KDM4C: variants seen among roughly 807,000 people sequenced by gnomAD.
KDM4C encodes lysine demethylase 4C, also known as lysine-specific demethylase 4C.
Under a neutral mutation model 129.3 loss-of-function variants are expected in KDM4C, and 81 were observed. That is an observed-to-expected ratio of 0.63 (90% CI 0.52 to 0.75). The LOEUF (loss-of-function observed/expected upper bound fraction) is 0.75, where lower values mean the gene tolerates loss of function less well. Among genes scored for constraint, KDM4C ranks in the 30% least tolerant of loss-of-function variants. The pLI is 0.00. For missense variants in KDM4C, 1,457 were observed against 1,304.0 expected (o/e 1.12, Z -1.81); for synonymous variants, 573 against 456.1 (o/e 1.26, Z -3.26).
At chr9:7,130,553 T>A (rs1587792620) in intron 19 of KDM4C, among the ~76,000 whole-genome samples, 1 of 152,134 alleles carries the variant, frequency 6.6e-6, no homozygotes, top group East Asian at 1.9e-4. Flanking sequence ...TTTAAATCAA[T>A]GAGAATGAAA....
At chr9:7,157,952 C>T (rs903342091) in intron 19 of KDM4C, among the ~76,000 whole-genome samples, 1 of 152,210 alleles carries the variant, frequency 6.6e-6, no homozygotes, top group African/African-American at 2.4e-5. Flanking sequence ...CTTTGTACCT[C>T]TGATAGAATT....
chr9:6,838,690 A>ACATTTTAT (rs1836332655), intron 4 of KDM4C, among the ~76,000 whole-genome samples: 3 of 152,104 alleles, frequency 2.0e-5, no homozygotes, highest in African/African-American at 4.8e-5. Context: ...GTAAAATCGT[A>ACATTTTAT]GGTATTTGGT....
chr9:6,966,699 G>A (rs1198803749), intron 8 of KDM4C, among the ~76,000 whole-genome samples: 1 of 152,002 alleles, frequency 6.6e-6, no homozygotes, highest in Non-Finnish European at 1.5e-5. Context: ...TTAGTTTTTT[G>A]TCAAAGGCAT....
intron 17 of KDM4C, among the ~76,000 whole-genome samples, chr9:7,064,366 G>A (rs1445495950): frequency 6.6e-6 from 1 of 152,112 alleles, no homozygotes; most frequent in African/African-American, 2.4e-5. Flanking sequence ...TTTAAAATGA[G>A]CCTCCTAGAA....
chr9:6,872,012 T>G (rs993900593), intron 5 of KDM4C, among the ~76,000 whole-genome samples: 2 of 152,156 alleles, frequency 1.3e-5, no homozygotes, highest in Non-Finnish European at 2.9e-5. Context: ...TGGTGGAATC[T>G]GGGTGGGGTT....
chr9:6,830,547 A>G (rs1834645724), intron 4 of KDM4C, among the ~76,000 whole-genome samples: 1 of 152,228 alleles, frequency 6.6e-6, no homozygotes, highest in Non-Finnish European at 1.5e-5. Flanking sequence ...AAATGATAAA[A>G]TGGTTTTCTC....
At chr9:7,158,388 T>G (rs1476223853) in intron 19 of KDM4C, among the ~76,000 whole-genome samples, 1 of 152,148 alleles carries the variant, frequency 6.6e-6, no homozygotes, top group Non-Finnish European at 1.5e-5. Context: ...AGTTATTTCT[T>G]GTCTTCCAGT....
intron 17 of KDM4C, among the ~76,000 whole-genome samples, chr9:7,092,601 T>G (rs1036362311): frequency 6.6e-6 from 1 of 152,160 alleles, no homozygotes; most frequent in African/African-American, 2.4e-5. Context: ...CACTTTGTCT[T>G]TTACTGCCGT....
At chr9:7,019,461 A>G (rs1023149988) in intron 15 of KDM4C, among the ~76,000 whole-genome samples, 80 of 151,936 alleles carry the variant, frequency 5.3e-4, no homozygotes, top group African/African-American at 1.9e-3. Flanking sequence ...TTTTTTTTAA[A>G]AAACCTGCCT....
At chr9:7,165,719 A>G (rs1240732174) in intron 20 of KDM4C, among the ~76,000 whole-genome samples, 1 of 152,210 alleles carries the variant, frequency 6.6e-6, no homozygotes, top group East Asian at 1.9e-4. Context: ...CCACTCTTCA[A>G]CCAGCAGCCC....
At chr9:7,132,034 A>G (rs571842597) in intron 19 of KDM4C, among the ~76,000 whole-genome samples, 62 of 152,310 alleles carry the variant, frequency 4.1e-4, no homozygotes, top group African/African-American at 1.4e-3. Context: ...GTGTGACCCC[A>G]ATGTTACTGG....
intron 12 of KDM4C, among the ~76,000 whole-genome samples, chr9:7,003,111 C>G (rs549077306): frequency 6.6e-6 from 1 of 152,202 alleles, no homozygotes; most frequent in Non-Finnish European, 1.5e-5. Flanking sequence ...AGTGATCCAT[C>G]TGCCTCGCCC....
chr9:6,992,436 T>C (rs568978838), intron 12 of KDM4C, among the ~76,000 whole-genome samples: 11 of 152,358 alleles, frequency 7.2e-5, no homozygotes, highest in East Asian at 1.9e-4. Context: ...CAGTCTTTCT[T>C]TCCTTTCTAA....
At chr9:6,882,060 A>G (rs886885871) in intron 6 of KDM4C, among the ~76,000 whole-genome samples, 1 of 152,216 alleles carries the variant, frequency 6.6e-6, no homozygotes, top group African/African-American at 2.4e-5. Flanking sequence ...TGACTGTGGC[A>G]CCTACAAATA....
At chr9:6,801,621 C>G (rs1189265729) in intron 2 of KDM4C, among the ~76,000 whole-genome samples, 1 of 147,880 alleles carries the variant, frequency 6.8e-6, no homozygotes, top group Non-Finnish European at 1.5e-5. Flanking sequence ...CAGATATGCT[C>G]TCTCTCTCTC....
At position 6,928,986 on chromosome 9, in the gene KDM4C, C is replaced by T. The variant is rs142524367; in HGVS notation, c.921+35754C>T. 2.0e-5 allele frequency among the ~76,000 whole-genome samples: 3 copies of T among 152,268 alleles called. No individual in the cohort carries two copies. The East Asian group carries it at 5.8e-4, about 29-fold the overall frequency. On this transcript the variant is annotated intron_variant, in intron 8 of 21. Coordinates refer to ENST00000381309, the MANE Select transcript of KDM4C (RefSeq NM_015061.6). ...TTGTGCTTTAGTAAAACCAAGTTAC[C>T]TTGCACCTCGTACCTGTGCTGCTTC... is the stretch of plus-strand genomic sequence containing the variant.
intron 15 of KDM4C, among the ~76,000 whole-genome samples, chr9:7,030,009 C>T (rs1254472852): frequency 6.6e-6 from 1 of 152,050 alleles, no homozygotes; most frequent in Non-Finnish European, 1.5e-5. Flanking sequence ...AGGGTAAATA[C>T]AGTAGCCAGT....
intron 8 of KDM4C, among the ~76,000 whole-genome samples, chr9:6,954,711 A>T (rs1272408759): frequency 6.6e-6 from 1 of 151,524 alleles, no homozygotes; most frequent in Admixed American, 6.6e-5. Flanking sequence ...GTAACTTCTT[A>T]AAAGTACCTA....
intron 15 of KDM4C, among the ~76,000 whole-genome samples, chr9:7,036,080 C>G (rs948146966): frequency 1.3e-5 from 2 of 152,100 alleles, no homozygotes; most frequent in Non-Finnish European, 2.9e-5. Context: ...TTGGGTAATA[C>G]TGTCATTGTA....
Sources: gnomAD v4.1 joint callset for allele counts (sites outside exome capture counted in the v4.1 genomes callset) on GRCh38, gnomAD v4.1.1 for gene constraint, MANE v1.5 for transcripts, NCBI Gene and HGNC (gene_info 2026-07-23, HGNC 2026-07-21) for gene names.